ARID4B: variants seen among roughly 807,000 people sequenced by gnomAD.
ARID4B encodes AT-rich interactive domain-containing protein 4B.
A neutral mutation model predicts 147.5 loss-of-function variants in ARID4B; 26 were observed. The ratio of observed to expected loss-of-function variants is 0.18; its 90% CI spans 0.13 to 0.24. The LOEUF (loss-of-function observed/expected upper bound fraction) is 0.24, where lower values mean the gene tolerates loss of function less well. Ranked by LOEUF, ARID4B falls within the 10% of genes least tolerant of loss-of-function variation. The pLI is 1.00. For synonymous variants in ARID4B, 512 were observed against 507.9 expected (o/e 1.01, Z -0.11); for missense variants, 1,179 against 1,511.5 (o/e 0.78, Z 3.65).
At chr1:235,183,562 G>A (rs970204150) in intron 19 of ARID4B, among the ~76,000 whole-genome samples, 4 of 151,990 alleles carry the variant, frequency 2.6e-5, no homozygotes, top group Non-Finnish European at 2.9e-5. Flanking sequence ...CATCAGAGAC[G>A]GTCTCACTCT....
At chr1:235,219,275 T>C (rs759913746) in intron 16 of ARID4B, among the ~76,000 whole-genome samples, 2 of 152,170 alleles carry the variant, frequency 1.3e-5, no homozygotes, top group Non-Finnish European at 2.9e-5. Flanking sequence ...AGATTATCTA[T>C]AAAATCCAGG....
At chr1:235,281,603 T>G (rs1671677847) in intron 2 of ARID4B, among the ~76,000 whole-genome samples, 1 of 151,844 alleles carries the variant, frequency 6.6e-6, no homozygotes, top group South Asian at 2.1e-4. Context: ...CTACTCGTGG[T>G]GGAGGCTGAG....
chr1:235,213,915 C>A lies in ARID4B; in HGVS notation c.1695G>T (p.Glu565Asp). The A allele has an allele frequency of 6.2e-7, 1 of 1,614,032 alleles. No individual in the cohort carries two copies. The highest frequency in any genetic ancestry group is 8.5e-7 in the Non-Finnish European group (1 of 1,179,952). Residue 565 changes from glutamate to aspartate, a missense_variant, in exon 17 of 24, where the codon GAG (glutamate) becomes GAT (aspartate). Physicochemically the swap from Glu to Asp is conservative, Grantham distance 45 (BLOSUM62 2). Transcript: ENST00000264183. The stretch of plus-strand genomic sequence containing the variant: ...TCATGCCTGGTGGATAGCACTCAAA[C>A]TCCTCTTCCTCATTGTTGTCATCAT... Reference protein sequence around the residue: ...EDDDDNNEEEEFECYPPGMKV... With the variant: ...EDDDDNNEEEDFECYPPGMKV...
chr1:235,204,798 G>C (rs1666201272), intron 17 of ARID4B, among the ~76,000 whole-genome samples: 1 of 152,140 alleles, frequency 6.6e-6, no homozygotes, highest in South Asian at 2.1e-4. Context: ...AAATATCAAT[G>C]TACCTGCCAA....
chr1:235,286,740 T>C (rs1365459910), intron 2 of ARID4B, among the ~76,000 whole-genome samples: 1 of 152,194 alleles, frequency 6.6e-6, no homozygotes, highest in Non-Finnish European at 1.5e-5. Context: ...CTACAAAGTT[T>C]TATGAGCAAG....
intron 19 of ARID4B, chr1:235,189,934 AATC>A (rs1664975799): frequency 6.5e-6 from 1 of 154,308 alleles, no homozygotes. Context: ...CAGGAGAGGA[AATC>A]ATCAAGAAAA....
chr1:235,298,338 G>A (rs1034762277), intron 2 of ARID4B, among the ~76,000 whole-genome samples: 1 of 151,766 alleles, frequency 6.6e-6, no homozygotes, highest in African/African-American at 2.4e-5. Flanking sequence ...AAGTGTATTC[G>A]TCTCTAATCA....
intron 17 of ARID4B, among the ~76,000 whole-genome samples, chr1:235,211,383 T>C (rs1043699196): frequency 2.6e-5 from 4 of 152,008 alleles, no homozygotes; most frequent in Admixed American, 2.0e-4. Flanking sequence ...GCCCTGATTA[T>C]ATACAGTGAA....
intron 16 of ARID4B, 36 bp from the exon 17 acceptor site, chr1:235,214,062 G>C (rs774632317): frequency 1.9e-6 from 3 of 1,572,876 alleles, no homozygotes; most frequent in East Asian, 2.2e-5. Flanking sequence ...GTTAATAAAA[G>C]ACACTTCATA....
At chr1:235,268,878 C>T (rs1572117784) in intron 2 of ARID4B, among the ~76,000 whole-genome samples, 1 of 152,132 alleles carries the variant, frequency 6.6e-6, no homozygotes, top group African/African-American at 2.4e-5. Flanking sequence ...GAATCTGAAA[C>T]ATCTTGTGTC....
chr1:235,223,402 T>TATATATATATATACAC (rs1173756493), intron 12 of ARID4B, 142 bp from the exon 13 acceptor site: 1 of 165,496 alleles, frequency 6.0e-6, no homozygotes, highest in African/African-American at 4.5e-5. Flanking sequence ...TATATGTGTG[T>TATATATATATATACAC]GTATATATAC....
intron 22 of ARID4B, among the ~76,000 whole-genome samples, chr1:235,174,108 C>G (rs529682257): frequency 1.1e-4 from 17 of 151,648 alleles, no homozygotes; most frequent in Non-Finnish European, 2.1e-4. Flanking sequence ...GGCGCAACCT[C>G]GGCTCACTGC....
At chr1:235,246,986 C>T (rs1444099313) in intron 6 of ARID4B, among the ~76,000 whole-genome samples, 3 of 152,110 alleles carry the variant, frequency 2.0e-5, no homozygotes, top group Admixed American at 6.5e-5. Flanking sequence ...CAAAAAGCCT[C>T]GGAGTAAGTT....
At chr1:235,172,004 G>A (rs1663401657) in intron 23 of ARID4B, among the ~76,000 whole-genome samples, 1 of 152,044 alleles carries the variant, frequency 6.6e-6, no homozygotes, top group African/African-American at 2.4e-5. Context: ...AAAATATACT[G>A]ACCATTTGTA....
intron 21 of ARID4B, 27 bp from the exon 22 acceptor site, chr1:235,175,426 A>G (rs1352125488): frequency 6.5e-7 from 1 of 1,538,260 alleles, no homozygotes; most frequent in Admixed American, 1.8e-5. Flanking sequence ...AGATTTAATA[A>G]ACAAAAATGT....
At chr1:235,270,480 A>T (rs904331933) in intron 2 of ARID4B, among the ~76,000 whole-genome samples, 1 of 129,274 alleles carries the variant, frequency 7.7e-6, no homozygotes, top group East Asian at 2.1e-4. Context: ...ACTTTAGGTT[A>T]TAAGTAAATT....
intron 2 of ARID4B, among the ~76,000 whole-genome samples, chr1:235,293,339 T>C (rs977701499): frequency 6.6e-6 from 1 of 152,200 alleles, no homozygotes; most frequent in African/African-American, 2.4e-5. Flanking sequence ...TATAATGAAG[T>C]AGTACATGCT....
chr1:235,209,197 G>T (rs997247071), intron 17 of ARID4B, among the ~76,000 whole-genome samples: 18 of 152,158 alleles, frequency 1.2e-4, no homozygotes, highest in African/African-American at 3.6e-4. Context: ...TATACAGGTC[G>T]GGCGCAGTGG....
chr1:235,234,964 C>T (rs1668463869), intron 8 of ARID4B, among the ~76,000 whole-genome samples: 1 of 152,178 alleles, frequency 6.6e-6, no homozygotes, highest in African/African-American at 2.4e-5. Flanking sequence ...TAAAAATCTA[C>T]TTTGGCTGCT....
Sources: gnomAD v4.1 joint callset for allele counts (sites outside exome capture counted in the v4.1 genomes callset) on GRCh38, gnomAD v4.1.1 for gene constraint, MANE v1.5 for transcripts, NCBI Gene and HGNC (gene_info 2026-07-23, HGNC 2026-07-21) for gene names.